Variants in DMGDH observed in about 807,000 individuals in gnomAD.
The protein encoded by DMGDH is dimethylglycine dehydrogenase, mitochondrial.
A neutral mutation model predicts 95.2 loss-of-function variants in DMGDH; 76 were observed. That is an observed-to-expected ratio of 0.80 (90% CI 0.66 to 0.97). The LOEUF (loss-of-function observed/expected upper bound fraction) is 0.97. DMGDH is among the 50% of genes least tolerant of loss of function. DMGDH has a pLI of 0.00. For synonymous variants in DMGDH, 345 were observed against 377.6 expected, an observed-to-expected ratio of 0.91 and a Z score of 1.00; for missense variants, 987 against 1,055.0, an observed-to-expected ratio of 0.94 and a Z score of 0.89.
intron 14 of DMGDH, among the ~76,000 whole-genome samples, chr5:79,006,850 C>CCCCCGCG (rs142991064): frequency 2.7e-5 from 4 of 147,672 alleles, no homozygotes; most frequent in African/African-American, 2.5e-5. Context: ...CTGAGACCCC[C>CCCCCGCG]CCAGTCCATT....
intron 14 of DMGDH, among the ~76,000 whole-genome samples, chr5:79,012,990 T>G (rs577610888): frequency 6.6e-6 from 1 of 152,252 alleles, no homozygotes; most frequent in Non-Finnish European, 1.5e-5. Flanking sequence ...TTTTTACTTA[T>G]GCAAATGTCT....
intron 2 of DMGDH, among the ~76,000 whole-genome samples, chr5:79,063,302 T>C (rs1354512071): frequency 3.3e-5 from 5 of 152,064 alleles, no homozygotes; most frequent in Non-Finnish European, 5.9e-5. Context: ...ACAATCCTAT[T>C]AGGTAAGTAC....
At chr5:79,051,995 C>CA (rs1384203429) in intron 4 of DMGDH, among the ~76,000 whole-genome samples, 1 of 152,178 alleles carries the variant, frequency 6.6e-6, no homozygotes, top group African/African-American at 2.4e-5. Context: ...ATCTATTCAA[C>CA]AAAAATTGGC....
chr5:79,025,441 C>T (rs1042826065), intron 13 of DMGDH, among the ~76,000 whole-genome samples: 1 of 152,144 alleles, frequency 6.6e-6, no homozygotes, highest in Non-Finnish European at 1.5e-5. Context: ...CTTGCTTCTG[C>T]GCACTCTAAA....
chr5:79,044,557 A>G lies in DMGDH; in HGVS notation c.746-5T>C. 1 of 1,613,904 alleles carries G rather than the reference A, an allele frequency of 6.2e-7. No individual in the cohort carries two copies. Among genetic ancestry groups the G allele is most frequent in the South Asian group, 1.1e-5 (1 of 91,086 alleles). ...CTACTTCACGAGCCCAAAATCCTTA[A>G]ACAAAAAAATCATTTAAAAGTGTCA... is the stretch of plus-strand genomic sequence containing the variant. On this transcript the variant is annotated splice_polypyrimidine_tract_variant and splice_region_variant and intron_variant, in intron 5 of 15. Transcript: ENST00000255189.
chr5:79,006,021 G>A (rs201486853), intron 14 of DMGDH, among the ~76,000 whole-genome samples: 1 of 150,778 alleles, frequency 6.6e-6, no homozygotes, highest in East Asian at 1.9e-4. Context: ...TTTTATCAAA[G>A]AGTTTATTCT....
At chr5:79,031,059 T>A (rs1754161713) in intron 9 of DMGDH, 61 bp from the exon 10 acceptor site, 2 of 1,580,674 alleles carry the variant, frequency 1.3e-6, no homozygotes, top group Non-Finnish European at 1.7e-6. Flanking sequence ...AATTACAGAA[T>A]ACGATATTTT....
chr5:79,018,092 G>A (rs1753773937), intron 14 of DMGDH, among the ~76,000 whole-genome samples: 1 of 152,170 alleles, frequency 6.6e-6, no homozygotes, highest in Non-Finnish European at 1.5e-5. Flanking sequence ...CAGTTGCCCT[G>A]GCTGGAGTGC....
At chr5:79,032,960 C>A in intron 8 of DMGDH, 120 bp from the exon 9 acceptor site, 1 of 1,176,120 alleles carries the variant, frequency 8.5e-7, no homozygotes, top group East Asian at 2.4e-5. Context: ...TACATACATA[C>A]ATATATATGA....
chr5:79,044,927 T>C (rs1164546559), intron 5 of DMGDH, among the ~76,000 whole-genome samples: 5 of 152,280 alleles, frequency 3.3e-5, no homozygotes, highest in African/African-American at 9.6e-5. Context: ...TGCCCATATT[T>C]GTGGACAGGG....
intron 14 of DMGDH, among the ~76,000 whole-genome samples, chr5:79,013,749 C>T (rs1459233737): frequency 6.6e-6 from 1 of 152,092 alleles, no homozygotes; most frequent in Non-Finnish European, 1.5e-5. Flanking sequence ...AAAGGGGGAG[C>T]TGGCATGTCT....
In DMGDH at chr5:79,063,707, C is replaced by G. The variant is rs551536134; in HGVS notation, c.182G>C (p.Gly61Ala). The G allele has an allele frequency of 6.2e-7, 1 of 1,614,198 alleles. No individual in the cohort carries two copies. ...GGCCAGGTGATAAGCCAGACTCACA[C>G]CAACACAGCCACCTCCAATTATCAC... Reference protein sequence around the residue: ...ETVIIGGGCVGVSLAYHLAKA... With the variant: ...ETVIIGGGCVAVSLAYHLAKA... The change falls in exon 2 of 16, where the codon GGT (glycine) becomes GCT (alanine). Residue 61 changes from glycine (G) to alanine (A), a missense_variant. Physicochemically the swap from Gly to Ala is moderately conservative, Grantham distance 60. Coordinates refer to ENST00000255189, the MANE Select transcript of DMGDH (RefSeq NM_013391.3).
Position 79,044,478 on chromosome 5 carries a change from C to T in DMGDH, c.820G>A (p.Val274Ile), listed in dbSNP as rs200906362. Reference protein sequence around the residue: ...PLIPVQHQYVVTSTISEVKAL... With the variant: ...PLIPVQHQYVITSTISEVKAL... ...TTCACTTCAGATATAGTCGATGTAA[C>T]AACATATTGATGTTGAACCGGAATG... The change falls in exon 6 of 16, where the codon GTT (valine) becomes ATT (isoleucine). Residue 274 changes from valine to isoleucine, a missense_variant. Physicochemically the swap from Val to Ile is conservative, Grantham distance 29 (BLOSUM62 3). Coordinates refer to ENST00000255189, the MANE Select transcript of DMGDH (RefSeq NM_013391.3). 2.5e-6 allele frequency: 4 copies of T among 1,614,026 alleles called. No individual in the cohort carries two copies. The African/African-American group carries it at 5.3e-5, about 22-fold the overall frequency.
rs548774721 is a variant in DMGDH, at chr5:79,012,468, T to A, written c.2251-7061A>T. 6.6e-5 allele frequency among the ~76,000 whole-genome samples: 10 copies of A among 152,326 alleles called. No individual in the cohort carries two copies. The East Asian group carries it at 1.9e-3, about 29-fold the overall frequency. On this transcript the variant is annotated intron_variant, in intron 14 of 15. Transcript: ENST00000255189. ...TGGGTCTACCATTCTAGGGTCTAGA[T>A]GATGGTGGCTCTCTTCTCACAGCTC...
intron 1 of DMGDH, among the ~76,000 whole-genome samples, chr5:79,065,346 G>A (rs907206690): frequency 2.6e-5 from 4 of 151,630 alleles, no homozygotes; most frequent in African/African-American, 9.7e-5. Context: ...CGAGTAGCTG[G>A]GATTACAGAC....
At chr5:78,998,344 G>A in intron 15 of DMGDH, 47 bp from the exon 16 acceptor site, 1 of 1,560,412 alleles carries the variant, frequency 6.4e-7, no homozygotes, top group Non-Finnish European at 8.8e-7. Context: ...TCACAGCTCT[G>A]TGCTCCTCAT....
intron 5 of DMGDH, among the ~76,000 whole-genome samples, chr5:79,048,420 C>G (rs1237839492): frequency 6.6e-6 from 1 of 152,194 alleles, no homozygotes; most frequent in East Asian, 1.9e-4. Context: ...GCAGCCTTTA[C>G]ATCTTTTTCA....
chr5:79,021,791 G>T (rs1580192545), intron 14 of DMGDH: 1 of 1,161,072 alleles, frequency 8.6e-7, no homozygotes, highest in Non-Finnish European at 1.1e-6. Flanking sequence ...AAATTCTTGG[G>T]CAGTCTTTCA....
intron 12 of DMGDH, among the ~76,000 whole-genome samples, chr5:79,026,802 G>A (rs2112620442): frequency 6.6e-6 from 1 of 152,246 alleles, no homozygotes; most frequent in South Asian, 2.1e-4. Context: ...CCATGTAGAT[G>A]GTGGTATGCA....
Sources: gnomAD v4.1 joint callset for allele counts (sites outside exome capture counted in the v4.1 genomes callset) on GRCh38, gnomAD v4.1.1 for gene constraint, MANE v1.5 for transcripts, NCBI Gene and HGNC (gene_info 2026-07-23, HGNC 2026-07-21) for gene names.